The following COG7 variants were observed in gnomAD, a reference collection of about 807,000 sequenced individuals.
The protein encoded by COG7 is conserved oligomeric Golgi complex subunit 7.
A neutral mutation model predicts 91.5 loss-of-function variants in COG7; 49 were observed. The ratio of observed to expected loss-of-function variants is 0.54; its 90% CI spans 0.43 to 0.68. The LOEUF is 0.68. COG7 is among the 30% of genes least tolerant of loss of function. COG7 has a pLI of 0.00. For missense variants in COG7, 895 were observed against 961.3 expected, an observed-to-expected ratio of 0.93 and a Z score of 0.91; for synonymous variants, 365 against 388.7, an observed-to-expected ratio of 0.94 and a Z score of 0.72.
chr16:23,408,599 T>C (rs1963508531), intron 11 of COG7, among the ~76,000 whole-genome samples: 1 of 151,904 alleles, frequency 6.6e-6, no homozygotes, highest in Non-Finnish European at 1.5e-5. Context: ...ATGGTTCTCA[T>C]TATGGGGAAA....
rs1231976267 is a variant in COG7, at chr16:23,388,703, T to C, written c.*217A>G. 3.7e-6 allele frequency: 2 copies of C among 541,238 alleles called. No individual in the cohort carries two copies. Among genetic ancestry groups the C allele is most frequent in the East Asian group, 4.4e-5 (1 of 22,694 alleles). The allele number at this position is 541,238 out of a possible 1,614,324, so 33.5% of individuals were successfully genotyped here. A position where few individuals can be genotyped will look rare whatever the true frequency, so the allele number is the denominator to read the frequency against. On this transcript the variant is annotated 3_prime_UTR_variant, in exon 17 of 17. Coordinates refer to ENST00000307149, the MANE Select transcript of COG7 (RefSeq NM_153603.4). ...TTTTAGTAGAGATGGGGTTTCACCA[T>C]GTTGGTCAGGCTGGTCTCGAACTCC...
chr16:23,423,870 C>G (rs1963800652), intron 7 of COG7, among the ~76,000 whole-genome samples: 1 of 152,182 alleles, frequency 6.6e-6, no homozygotes. Context: ...CATCACACAC[C>G]AGGCACTGTT....
chr16:23,451,926 G>A (rs1964272238), intron 1 of COG7, among the ~76,000 whole-genome samples: 2 of 150,966 alleles, frequency 1.3e-5, no homozygotes, highest in South Asian at 2.1e-4. Context: ...TCTTTTTACA[G>A]TTTATTGTTT....
At chr16:23,419,610 G>T (rs916012911) in intron 7 of COG7, among the ~76,000 whole-genome samples, 1 of 147,832 alleles carries the variant, frequency 6.8e-6, no homozygotes, top group Non-Finnish European at 1.5e-5. Flanking sequence ...TTAGCCGGGC[G>T]TAGTGGCGGG....
chr16:23,412,388 T>C (rs1381884770), intron 10 of COG7: 2 of 152,216 alleles, frequency 1.3e-5, no homozygotes, highest in African/African-American at 4.8e-5. Context: ...TTAGGTGACA[T>C]TAGAAATCCG....
At chr16:23,413,613 A>G in intron 9 of COG7, 49 bp from the exon 10 acceptor site, 3 of 974,714 alleles carry the variant, frequency 3.1e-6, no homozygotes, top group East Asian at 4.8e-5. Flanking sequence ...CTGATTCCCC[A>G]ACTCTAAAGA....
intron 1 of COG7, among the ~76,000 whole-genome samples, chr16:23,447,936 A>T (rs1254343754): frequency 6.6e-6 from 1 of 151,988 alleles, no homozygotes; most frequent in Non-Finnish European, 1.5e-5. Flanking sequence ...TAAAAATAAA[A>T]TCCCTGCATA....
chr16:23,446,106 C>A (rs1373816089), intron 1 of COG7, 145 bp from the exon 2 acceptor site: 9 of 947,752 alleles, frequency 9.5e-6, no homozygotes, highest in South Asian at 3.1e-5. Flanking sequence ...TTGGAGCCTG[C>A]AGAAAATATG....
intron 4 of COG7, 110 bp downstream of exon 4, chr16:23,442,367 T>C: frequency 9.8e-7 from 1 of 1,015,674 alleles, no homozygotes; most frequent in Non-Finnish European, 1.5e-6. Flanking sequence ...CAGAGTTCCT[T>C]CTAATCTATG....
chr16:23,404,746 C>A (rs761539576), intron 12 of COG7, among the ~76,000 whole-genome samples: 4 of 152,312 alleles, frequency 2.6e-5, no homozygotes, highest in African/African-American at 7.2e-5. Context: ...ATGGTGAAAC[C>A]CTTTCTTTAC....
rs1035573293 is a variant in COG7 at position 23,451,557 on chromosome 16, AT to A, written c.169+1268del. Among the ~76,000 whole-genome samples the A allele has an allele frequency of 5.6e-4, 83 of 148,280 alleles. 4 individuals carry two copies. Among genetic ancestry groups the A allele is most frequent in the South Asian group, 6.4e-4 (3 of 4,680 alleles). Reference sequence around the variant, plus strand: ...AGTGCGACCTTGTCTCTAAAAAAAAATTTTTTTTTTTAATTAGCCAGGCATG... The same window carrying A: ...AGTGCGACCTTGTCTCTAAAAAAAAATTTTTTTTTTAATTAGCCAGGCATG... On this transcript the variant is annotated intron_variant, in intron 1 of 16. Transcript: ENST00000307149.
intron 4 of COG7, among the ~76,000 whole-genome samples, chr16:23,440,137 C>T (rs1296017648): frequency 6.6e-6 from 1 of 151,054 alleles, no homozygotes; most frequent in East Asian, 1.9e-4. Context: ...GCCTGTAATA[C>T]CTGCACTTTG....
At chr16:23,443,610 G>C (rs1037176493) in intron 3 of COG7, among the ~76,000 whole-genome samples, 1 of 152,048 alleles carries the variant, frequency 6.6e-6, no homozygotes, top group African/African-American at 2.4e-5. Flanking sequence ...AGAATCGCTT[G>C]AACCCAGGAG....
intron 1 of COG7, among the ~76,000 whole-genome samples, chr16:23,449,609 C>T (rs756351189): frequency 1.3e-5 from 2 of 150,766 alleles, no homozygotes; most frequent in Non-Finnish European, 3.0e-5. Flanking sequence ...GGCATGGTGG[C>T]GCATGCCTAT....
At chr16:23,410,451 A>G (rs1963544504) in intron 10 of COG7, 91 bp from the exon 11 acceptor site, 16 of 1,103,958 alleles carry the variant, frequency 1.4e-5, no homozygotes, top group Non-Finnish European at 2.2e-5. Flanking sequence ...AATCCTAACT[A>G]TTTGCTCCTT....
intron 4 of COG7, among the ~76,000 whole-genome samples, chr16:23,440,102 A>G (rs1964076565): frequency 6.6e-6 from 1 of 151,706 alleles, no homozygotes; most frequent in African/African-American, 2.4e-5. Context: ...AAAAAAAAAA[A>G]AATAGGCTGG....
At position 23,434,625 on chromosome 16, in the gene COG7, C is replaced by T. The variant is rs749081598; in HGVS notation, c.687+11G>A. 35 of 1,605,170 alleles carry T rather than the reference C, an allele frequency of 2.2e-5. No homozygotes were observed. The highest frequency in any genetic ancestry group is 2.8e-5 in the Non-Finnish European group (33 of 1,171,908). ...ACAACTGCACAACTGTCATCGCGCA[C>T]AGCTTCTTACCTTGTGACACTTGTA... On this transcript the variant is annotated intron_variant, in intron 5 of 16. Coordinates refer to ENST00000307149, the MANE Select transcript of COG7 (RefSeq NM_153603.4).
chr16:23,408,696 G>C (rs555675211), intron 11 of COG7, among the ~76,000 whole-genome samples: 99 of 152,058 alleles, frequency 6.5e-4, no homozygotes, highest in Non-Finnish European at 1.2e-3. Flanking sequence ...TGACTTTCGG[G>C]AGTGAATAAA....
chr16:23,394,123 CAGA>C (rs1319373818), intron 14 of COG7, among the ~76,000 whole-genome samples: 3 of 150,164 alleles, frequency 2.0e-5, no homozygotes, highest in Admixed American at 6.6e-5. Flanking sequence ...ATAATTTAAC[CAGA>C]AGAAGAAAGG....
Sources: allele counts gnomAD v4.1 joint callset (sites outside exome capture counted in the v4.1 genomes callset), GRCh38; gene constraint gnomAD v4.1.1; transcripts MANE v1.5; gene names NCBI Gene and HGNC (gene_info 2026-07-23, HGNC 2026-07-21).